Variants in OTOG observed in about 807,000 individuals in gnomAD.
OTOG encodes the protein otogelin.
OTOG carries 296 observed loss-of-function variants against 313.8 expected under a neutral mutation model. That is an observed-to-expected ratio of 0.94 (90% CI 0.86 to 1.04). The LOEUF (loss-of-function observed/expected upper bound fraction) is 1.04. Among genes scored for constraint, OTOG ranks in the 50% least tolerant of loss-of-function variants. The pLI, the probability that OTOG is intolerant of heterozygous loss-of-function variation, is 0.00. For synonymous variants in OTOG, 1,533 were observed against 1,554.9 expected, an observed-to-expected ratio of 0.99 and a Z score of 0.33; for missense variants, 3,948 against 3,840.1, an observed-to-expected ratio of 1.03 and a Z score of -0.74.
intron 49 of OTOG, among the ~76,000 whole-genome samples, chr11:17,640,369 A>G (rs767468064): frequency 2.6e-5 from 4 of 152,194 alleles, no homozygotes; most frequent in Middle Eastern, 3.2e-3. Context: ...TACTTTAAGA[A>G]ATGTGAAGTC....
chr11:17,584,683 G>A (rs555840409), intron 23 of OTOG, among the ~76,000 whole-genome samples: 24 of 152,192 alleles, frequency 1.6e-4, no homozygotes, highest in Admixed American at 3.3e-4. Context: ...GGGCCATCAC[G>A]TCTGGCTAAT....
At chr11:17,613,198 T>TTTC (rs1565118816) in intron 38 of OTOG, among the ~76,000 whole-genome samples, 2 of 55,914 alleles carry the variant, frequency 3.6e-5, no homozygotes, top group African/African-American at 1.0e-4. Flanking sequence ...TTCTTTCTTT[T>TTTC]CTTTCTTTCT....
intron 15 of OTOG, among the ~76,000 whole-genome samples, chr11:17,567,747 C>G (rs1452113738): frequency 4.6e-5 from 7 of 152,200 alleles, no homozygotes; most frequent in Admixed American, 3.9e-4. Flanking sequence ...AGCTTTTGTA[C>G]AAGTTGTTCC....
intron 28 of OTOG, among the ~76,000 whole-genome samples, chr11:17,595,181 G>A (rs1853062008): frequency 6.6e-6 from 1 of 152,102 alleles, no homozygotes. Context: ...AAATCCTGAG[G>A]TGGGACAAGG....
rs1171301591 is a variant in OTOG at position 17,633,691 on chromosome 11, T to C, written c.7084T>C (p.Ser2362Pro). The change falls in exon 43 of 56, where the codon TCC (serine) becomes CCC (proline). Residue 2362 changes from serine to proline, a missense_variant. Physicochemically the swap from Ser to Pro is moderately conservative, Grantham distance 74 (BLOSUM62 -1). Coordinates refer to ENST00000399397, the MANE Select transcript of OTOG (RefSeq NM_001292063.2). ...RRSDYCPFLC[S>P]SDSTYQACVT... The stretch of plus-strand genomic sequence containing the variant: ...CTGTGCCCCTGCAGCCTTCCTGTGC[T>C]CCAGCGACTCCACATACCAGGCATG... The C allele has an allele frequency of 3.3e-6, 5 of 1,537,724 alleles. No homozygotes were observed. The highest frequency in any genetic ancestry group is 4.4e-6 in the Non-Finnish European group (5 of 1,140,404).
chr11:17,581,058 G>A (rs1460291976), intron 23 of OTOG, among the ~76,000 whole-genome samples: 1 of 152,236 alleles, frequency 6.6e-6, no homozygotes, highest in Non-Finnish European at 1.5e-5. Context: ...TTGCAGAGGG[G>A]AAGGCCAAGG....
At chr11:17,568,261 G>C (rs59259687) in intron 15 of OTOG, among the ~76,000 whole-genome samples, 3,490 of 152,276 alleles carry the variant, frequency 0.023, 98 homozygotes, top group East Asian at 0.085. Flanking sequence ...AATATATATA[G>C]AGAGATTTGA....
intron 22 of OTOG, among the ~76,000 whole-genome samples, chr11:17,577,488 C>T (rs2134034418): frequency 6.6e-6 from 1 of 152,262 alleles, no homozygotes; most frequent in South Asian, 2.1e-4. Flanking sequence ...AATAATCATA[C>T]AGTAGGTGGT....
chr11:17,564,674 T>C (rs1852262056), intron 15 of OTOG, among the ~76,000 whole-genome samples: 1 of 152,186 alleles, frequency 6.6e-6, no homozygotes, highest in African/African-American at 2.4e-5. Context: ...AGGATGATAA[T>C]GACAATGATA....
rs971313035 is a variant in OTOG, at chr11:17,633,923, C to G, written c.7267+49C>G. Reference sequence around the variant, plus strand: ...GGGGGGCCTCCAAAGCCAGCCTCAGCCTCGCCTCCTGCTGTCCACAGCTGA... The same window carrying G: ...GGGGGGCCTCCAAAGCCAGCCTCAGGCTCGCCTCCTGCTGTCCACAGCTGA... On this transcript the variant is annotated intron_variant, in intron 43 of 55. Coordinates refer to ENST00000399397, the MANE Select transcript of OTOG (RefSeq NM_001292063.2). 4 of 1,491,722 alleles carry G rather than the reference C, an allele frequency of 2.7e-6. No individual in the cohort carries two copies. In the African/African-American group the frequency reaches 4.2e-5, roughly 16 times the overall value. 92.4% of individuals were successfully genotyped at this position (1,491,722 alleles called of 1,614,324 possible). A position where few individuals can be genotyped will look rare whatever the true frequency, so the allele number is the denominator to read the frequency against.
Position 17,633,781 on chromosome 11 carries a change from C to T in OTOG, c.7174C>T (p.His2392Tyr). ...GATACTAGGGCCTCTGGACCCAGAG[C>T]ACTGCCAGGTGCTGGGCGAGGGCTG... ...DGILGPLDPE[H>Y]CQVLGEGCVC... The change falls in exon 43 of 56, where the codon CAC (histidine) becomes TAC (tyrosine). Residue 2392 changes from histidine to tyrosine, a missense_variant. Physicochemically the swap from His to Tyr is moderately conservative, Grantham distance 83. Transcript: ENST00000399397. The T allele has an allele frequency of 6.4e-7, 1 of 1,550,520 alleles. No homozygotes were observed. Among genetic ancestry groups the T allele is most frequent in the Non-Finnish European group, 8.7e-7 (1 of 1,146,982 alleles).
At position 17,576,544 on chromosome 11, in the gene OTOG, A is replaced by AT. The variant is rs562652501; in HGVS notation, c.2487-5dup. On this transcript the variant is annotated splice_polypyrimidine_tract_variant and intron_variant, in intron 20 of 55. Transcript: ENST00000399397. ...AGCCTGCTCACCTTTCTTTGCTCCC[A>AT]TTTTTTTATAGGAACCAGTGCTCCT... The AT allele has an allele frequency of 1.9e-4, 287 of 1,548,720 alleles. 7 individuals are homozygous for AT. In the South Asian group the frequency reaches 3.1e-3, roughly 17 times the overall value.
chr11:17,552,768 G>A (rs1851972237), intron 4 of OTOG, among the ~76,000 whole-genome samples: 1 of 152,240 alleles, frequency 6.6e-6, no homozygotes, highest in African/African-American at 2.4e-5. Context: ...AGCAGCAGCT[G>A]CAGATCTCTG....
At chr11:17,641,731 C>A in intron 51 of OTOG, 116 bp from the exon 52 acceptor site, 1 of 704,478 alleles carries the variant, frequency 1.4e-6, no homozygotes, top group Non-Finnish European at 2.3e-6. Flanking sequence ...CGCCTCTTCT[C>A]GAGCACTTAC....
Position 17,608,375 on chromosome 11 carries a change from C to CA in OTOG, c.4236_4237insA (p.Arg1413ThrfsTer29). 2 of 1,546,722 alleles carry CA rather than the reference C, an allele frequency of 1.3e-6. No homozygotes were observed. Among genetic ancestry groups the CA allele is most frequent in the Non-Finnish European group, 1.7e-6 (2 of 1,145,522 alleles). On this transcript the variant is annotated frameshift_variant, in exon 34 of 56. Coordinates refer to ENST00000399397, the MANE Select transcript of OTOG (RefSeq NM_001292063.2). LOFTEE classifies it high-confidence loss of function. The stretch of plus-strand genomic sequence containing the variant: ...GTGCCAGCCCCTGCTTCCAAACCTG[C>CA]CGGGACCCACGGGCAGCCAGCTGCC...
intron 3 of OTOG, among the ~76,000 whole-genome samples, chr11:17,548,690 A>C (rs1344777968): frequency 6.6e-6 from 1 of 151,974 alleles, no homozygotes; most frequent in Admixed American, 6.6e-5. Context: ...TTGGTTGAGA[A>C]GCAGAGCCCT....
At chr11:17,609,257 C>A in intron 35 of OTOG, 48 bp downstream of exon 35, 1 of 1,500,072 alleles carries the variant, frequency 6.7e-7, no homozygotes, top group South Asian at 1.2e-5. Flanking sequence ...CCTCTAAGTC[C>A]CTAGGGTCTC....
intron 25 of OTOG, among the ~76,000 whole-genome samples, chr11:17,592,117 G>A (rs1852959332): frequency 1.3e-5 from 2 of 152,090 alleles, no homozygotes; most frequent in East Asian, 3.9e-4. Context: ...ATAATTTTCG[G>A]CTCACCTGGA....
At chr11:17,643,132 G>A (rs1024201765) in intron 53 of OTOG, among the ~76,000 whole-genome samples, 10 of 152,184 alleles carry the variant, frequency 6.6e-5, no homozygotes, top group African/African-American at 2.2e-4. Context: ...TGACCCCTGC[G>A]CCCCTCCCCT....
Sources: gnomAD v4.1 joint callset for allele counts (sites outside exome capture counted in the v4.1 genomes callset) on GRCh38, gnomAD v4.1.1 for gene constraint, MANE v1.5 for transcripts, NCBI Gene and HGNC (gene_info 2026-07-23, HGNC 2026-07-21) for gene names.